ADGRB3: variants seen among roughly 807,000 people sequenced by gnomAD.
ADGRB3 encodes the protein brain-specific angiogenesis inhibitor 3.
In ADGRB3, 37 loss-of-function variants were observed where a neutral mutation model predicts 193.4. That is an observed-to-expected ratio of 0.19 (90% CI 0.15 to 0.25). The LOEUF is 0.25. Ranked by LOEUF, ADGRB3 falls within the 10% of genes least tolerant of loss-of-function variation. The probability of loss-of-function intolerance (pLI) is 1.00; values close to 1 mark genes in which losing one functional copy is unlikely to be tolerated. For synonymous variants in ADGRB3, 690 were observed against 644.2 expected (o/e 1.07, Z -1.08); for missense variants, 1,637 against 1,852.9 (o/e 0.88, Z 2.14).
intron 11 of ADGRB3, among the ~76,000 whole-genome samples, chr6:69,003,824 T>C (rs1465551166): frequency 6.6e-6 from 1 of 152,104 alleles, no homozygotes; most frequent in African/African-American, 2.4e-5. Flanking sequence ...AACTGGTAAC[T>C]GAGGGGAACT....
At chr6:68,789,915 G>A (rs918794578) in intron 3 of ADGRB3, among the ~76,000 whole-genome samples, 19 of 152,146 alleles carry the variant, frequency 1.2e-4, no homozygotes, top group African/African-American at 2.6e-4. Context: ...GTCTTCCATT[G>A]CTGATACCCT....
chr6:68,780,564 C>A (rs528841774), intron 3 of ADGRB3, among the ~76,000 whole-genome samples: 4 of 152,202 alleles, frequency 2.6e-5, no homozygotes, highest in South Asian at 2.1e-4. Flanking sequence ...AATGGATGAG[C>A]ACCTTATTTA....
chr6:69,004,403 CTT>C (rs1287195141), intron 11 of ADGRB3, among the ~76,000 whole-genome samples: 1 of 145,788 alleles, frequency 6.9e-6, no homozygotes, highest in African/African-American at 2.5e-5. Context: ...ATATCCTCTT[CTT>C]TTTTTTTTTT....
chr6:68,697,178 G>A (rs976762373), intron 3 of ADGRB3, among the ~76,000 whole-genome samples: 1 of 151,734 alleles, frequency 6.6e-6, no homozygotes, highest in African/African-American at 2.4e-5. Flanking sequence ...CTCTTGGAAG[G>A]GCATTATTTT....
chr6:69,131,243 A>C (rs1289627055), intron 17 of ADGRB3, among the ~76,000 whole-genome samples: 1 of 152,136 alleles, frequency 6.6e-6, no homozygotes, highest in Admixed American at 6.6e-5. Flanking sequence ...AATTGTCTTC[A>C]ACTAAAACGG....
intron 20 of ADGRB3, among the ~76,000 whole-genome samples, chr6:69,242,752 C>A (rs1386304238): frequency 6.6e-6 from 1 of 151,854 alleles, no homozygotes; most frequent in African/African-American, 2.4e-5. Context: ...TTAATTATAA[C>A]CCACTTCATT....
chr6:68,933,453 T>C (rs1004173181), intron 4 of ADGRB3, among the ~76,000 whole-genome samples: 1 of 151,866 alleles, frequency 6.6e-6, no homozygotes, highest in Non-Finnish European at 1.5e-5. Context: ...ATTAGCTGGG[T>C]GTGGTGGCGC....
intron 3 of ADGRB3, among the ~76,000 whole-genome samples, chr6:68,741,096 G>T (rs1185162227): frequency 6.6e-6 from 1 of 151,916 alleles, no homozygotes; most frequent in Admixed American, 6.6e-5. Flanking sequence ...TTGCTTGACA[G>T]GAAAAAAAAA....
At chr6:69,124,935 T>G (rs1276905727) in intron 17 of ADGRB3, among the ~76,000 whole-genome samples, 1 of 152,128 alleles carries the variant, frequency 6.6e-6, no homozygotes, top group East Asian at 1.9e-4. Flanking sequence ...CATTCCATAT[T>G]TATGGATGAA....
At chr6:69,220,899 A>C (rs1582555819) in intron 17 of ADGRB3, among the ~76,000 whole-genome samples, 1 of 152,030 alleles carries the variant, frequency 6.6e-6, no homozygotes. Context: ...CTAAATCACT[A>C]TCTACACCCC....
chr6:69,018,675 A>G (rs1770168053), intron 13 of ADGRB3, among the ~76,000 whole-genome samples, 176 bp downstream of exon 13: 1 of 152,000 alleles, frequency 6.6e-6, no homozygotes, highest in South Asian at 2.1e-4. Flanking sequence ...ATTGCATTAT[A>G]TATATGTACG....
At chr6:69,091,649 G>T (rs568956004) in intron 17 of ADGRB3, among the ~76,000 whole-genome samples, 2 of 152,104 alleles carry the variant, frequency 1.3e-5, no homozygotes, top group Non-Finnish European at 2.9e-5. Flanking sequence ...GAGGCTGGCG[G>T]GTGGGAGGAG....
intron 17 of ADGRB3, among the ~76,000 whole-genome samples, chr6:69,128,602 T>A (rs530829954): frequency 1.3e-4 from 20 of 152,256 alleles, no homozygotes; most frequent in African/African-American, 4.6e-4. Context: ...GAATCATCGA[T>A]CCAGGCTCAA....
chr6:69,343,842 G>GA (rs1433876071), intron 26 of ADGRB3, among the ~76,000 whole-genome samples: 1 of 152,112 alleles, frequency 6.6e-6, no homozygotes, highest in East Asian at 1.9e-4. Context: ...AGACAGAATT[G>GA]AATACAATGA....
intron 13 of ADGRB3, among the ~76,000 whole-genome samples, chr6:69,035,700 T>C (rs1470054427): frequency 1.3e-5 from 2 of 152,098 alleles, no homozygotes; most frequent in Non-Finnish European, 2.9e-5. Flanking sequence ...GCAGGGAACA[T>C]AGTGAGTTGT....
intron 17 of ADGRB3, among the ~76,000 whole-genome samples, chr6:69,109,126 G>A (rs923630811): frequency 2.0e-5 from 3 of 152,132 alleles, no homozygotes; most frequent in Admixed American, 6.6e-5. Flanking sequence ...CCACCGTAGT[G>A]GCCTATAAGA....
chr6:69,283,438 G>C (rs904606142), intron 20 of ADGRB3, among the ~76,000 whole-genome samples: 1 of 152,010 alleles, frequency 6.6e-6, no homozygotes, highest in Admixed American at 6.6e-5. Context: ...TTGGGTAGAG[G>C]CCTTTCCACT....
chr6:68,809,793 C>T (rs1355423952), intron 3 of ADGRB3, among the ~76,000 whole-genome samples: 1 of 152,150 alleles, frequency 6.6e-6, no homozygotes, highest in East Asian at 1.9e-4. Context: ...GTGGTAAAAA[C>T]ATATTAGTCT....
At chr6:68,733,092 A>G (rs1164882681) in intron 3 of ADGRB3, among the ~76,000 whole-genome samples, 2 of 151,756 alleles carry the variant, frequency 1.3e-5, no homozygotes, top group African/African-American at 2.4e-5. Flanking sequence ...AAATAGAACT[A>G]CTGTTCCACC....
Sources: gnomAD v4.1 joint callset for allele counts (sites outside exome capture counted in the v4.1 genomes callset) on GRCh38, gnomAD v4.1.1 for gene constraint, MANE v1.5 for transcripts, NCBI Gene and HGNC (gene_info 2026-07-23, HGNC 2026-07-21) for gene names.